CCDC73: variants seen among roughly 807,000 people sequenced by gnomAD.
The protein encoded by CCDC73 is coiled-coil domain-containing protein 73.
Under a neutral mutation model 116.5 loss-of-function variants are expected in CCDC73, and 95 were observed. The ratio of observed to expected loss-of-function variants is 0.82; its 90% CI spans 0.69 to 0.97. The LOEUF (loss-of-function observed/expected upper bound fraction) is 0.97, where lower values mean the gene tolerates loss of function less well. Ranked by LOEUF, CCDC73 falls within the 50% of genes least tolerant of loss-of-function variation. The pLI is 0.00. For missense variants in CCDC73, 1,066 were observed against 1,206.8 expected (o/e 0.88, Z 1.73); for synonymous variants, 398 against 401.3 (o/e 0.99, Z 0.10).
intron 2 of CCDC73, among the ~76,000 whole-genome samples, chr11:32,735,217 A>C (rs1018079753): frequency 6.6e-6 from 1 of 152,192 alleles, no homozygotes; most frequent in African/African-American, 2.4e-5. Flanking sequence ...TTAGGGAAAG[A>C]GGAAGTCAAA....
At chr11:32,792,660 T>C (rs1260813551) in intron 1 of CCDC73, among the ~76,000 whole-genome samples, 1 of 152,216 alleles carries the variant, frequency 6.6e-6, no homozygotes, top group Admixed American at 6.5e-5. Flanking sequence ...TTTCACCTCC[T>C]TCAGAAAACT....
chr11:32,803,838 C>T, the CCDC73 span, among the ~76,000 whole-genome samples: 4 of 152,036 alleles, frequency 2.6e-5, no homozygotes, highest in South Asian at 2.1e-4. Flanking sequence ...GACAGAGTCT[C>T]GCTCTGTCAC....
intron 7 of CCDC73, among the ~76,000 whole-genome samples, chr11:32,678,897 A>T (rs28728183): frequency 0.58 from 83,923 of 145,496 alleles, 24,570 homozygotes; most frequent in East Asian, 0.85. Flanking sequence ...AAAAAAAAAA[A>T]ATATATATAT....
upstream of CCDC73, among the ~76,000 whole-genome samples, chr11:32,799,252 C>CA (rs1850751775): frequency 6.6e-6 from 1 of 151,968 alleles, no homozygotes; most frequent in Admixed American, 6.6e-5. Flanking sequence ...CCACCACGCT[C>CA]AGTTAATTTT....
intron 12 of CCDC73, among the ~76,000 whole-genome samples, chr11:32,651,580 T>C (rs537760031): frequency 6.6e-6 from 1 of 152,302 alleles, no homozygotes; most frequent in Non-Finnish European, 1.5e-5. Flanking sequence ...TGGGAGGTAG[T>C]GGAAATACCT....
At chr11:32,716,095 T>C (rs1028515720) in intron 3 of CCDC73, among the ~76,000 whole-genome samples, 3 of 152,166 alleles carry the variant, frequency 2.0e-5, no homozygotes, top group African/African-American at 4.8e-5. Flanking sequence ...CTTACTGCAA[T>C]GAGTTTCAAT....
intron 9 of CCDC73, among the ~76,000 whole-genome samples, chr11:32,667,273 G>C (rs1855993325): frequency 6.7e-6 from 1 of 149,880 alleles, no homozygotes; most frequent in African/African-American, 2.4e-5. Flanking sequence ...GGAGTCTACA[G>C]AGGCAGGCAG....
chr11:32,666,567 T>C (rs1310466663), intron 9 of CCDC73, among the ~76,000 whole-genome samples: 2 of 152,214 alleles, frequency 1.3e-5, no homozygotes, highest in African/African-American at 4.8e-5. Context: ...CATCTCATCT[T>C]TTTTCAAGGT....
At chr11:32,793,767 C>T (rs866373975) in intron 1 of CCDC73, among the ~76,000 whole-genome samples, 29 of 152,070 alleles carry the variant, frequency 1.9e-4, no homozygotes, top group African/African-American at 6.8e-4. Context: ...CCCGCCACCA[C>T]GCCCGGCTAA....
At chr11:32,735,646 T>C (rs1590621190) in intron 2 of CCDC73, among the ~76,000 whole-genome samples, 1 of 152,146 alleles carries the variant, frequency 6.6e-6, no homozygotes, top group African/African-American at 2.4e-5. Flanking sequence ...CTTCACAGAA[T>C]TGGAAAAAAC....
chr11:32,707,423 T>C (rs1333926190), intron 3 of CCDC73, among the ~76,000 whole-genome samples: 2 of 152,042 alleles, frequency 1.3e-5, no homozygotes, highest in African/African-American at 2.4e-5. Context: ...CGTGTTGTGC[T>C]TTCTATACTG....
At chr11:32,768,857 G>C (rs1850468453) in intron 1 of CCDC73, among the ~76,000 whole-genome samples, 1 of 151,980 alleles carries the variant, frequency 6.6e-6, no homozygotes, top group Admixed American at 6.6e-5. Flanking sequence ...AAAAATAAAA[G>C]AAAGAAAAGA....
chr11:32,704,722 T>C (rs751483040), intron 3 of CCDC73, among the ~76,000 whole-genome samples: 2 of 152,152 alleles, frequency 1.3e-5, no homozygotes, highest in Non-Finnish European at 2.9e-5. Context: ...ACTTCCTTGA[T>C]CCCTTTGGCC....
chr11:32,641,007 C>T (rs994373493), intron 13 of CCDC73, among the ~76,000 whole-genome samples: 1 of 137,126 alleles, frequency 7.3e-6, no homozygotes, highest in Non-Finnish European at 1.6e-5. Flanking sequence ...CAGAGTGAGA[C>T]TCTGTCCCCC....
At chr11:32,624,358 A>T (rs1042113317) in intron 14 of CCDC73, among the ~76,000 whole-genome samples, 4 of 151,990 alleles carry the variant, frequency 2.6e-5, no homozygotes, top group Non-Finnish European at 5.9e-5. Context: ...AAAAATAAAT[A>T]AATAAATAAA....
At chr11:32,627,120 C>T (rs971755989) in intron 14 of CCDC73, among the ~76,000 whole-genome samples, 28 of 152,068 alleles carry the variant, frequency 1.8e-4, no homozygotes, top group South Asian at 1.0e-3. Flanking sequence ...AACAAATTTA[C>T]AAGAAAAAAA....
At position 32,613,502 on chromosome 11, in the gene CCDC73, G is replaced by A; in HGVS notation, c.2816C>T (p.Pro939Leu). ...SLLLKERPLDPSENKKIISMA... is the reference protein window; with the variant it reads ...SLLLKERPLDLSENKKIISMA... Reference sequence around the variant, plus strand: ...TGAAATGATCTTTTTGTTTTCTGATGGATCTAGTGGTCTCTCCTTCAGCAA... The same window carrying A: ...TGAAATGATCTTTTTGTTTTCTGATAGATCTAGTGGTCTCTCCTTCAGCAA... The change falls in exon 16 of 18, where the codon CCA (proline) becomes CTA (leucine). Residue 939 changes from proline (P) to leucine (L), a missense_variant. Coordinates refer to ENST00000335185, the MANE Select transcript of CCDC73 (RefSeq NM_001008391.4). 1 of 1,613,910 alleles carries A rather than the reference G, an allele frequency of 6.2e-7. No individual in the cohort carries two copies. The highest frequency in any genetic ancestry group is 8.5e-7 in the Non-Finnish European group (1 of 1,179,940).
At chr11:32,768,018 C>A (rs1050607523) in intron 1 of CCDC73, among the ~76,000 whole-genome samples, 15 of 152,196 alleles carry the variant, frequency 9.9e-5, no homozygotes, top group Middle Eastern at 3.2e-3. Flanking sequence ...AAGACACATG[C>A]ACACGTATGG....
At chr11:32,648,862 A>G (rs1855802174) in intron 12 of CCDC73, among the ~76,000 whole-genome samples, 1 of 152,160 alleles carries the variant, frequency 6.6e-6, no homozygotes, top group East Asian at 1.9e-4. Flanking sequence ...TGGAGTTTAT[A>G]TTCTAACAGG....
Sources: allele counts gnomAD v4.1 joint callset (sites outside exome capture counted in the v4.1 genomes callset), GRCh38; gene constraint gnomAD v4.1.1; transcripts MANE v1.5; gene names NCBI Gene and HGNC (gene_info 2026-07-23, HGNC 2026-07-21).